The following RGS6 variants were observed in gnomAD, a reference collection of about 807,000 sequenced individuals.
RGS6 encodes regulator of G protein signaling 6, also known as regulator of G-protein signaling 6.
A neutral mutation model predicts 78.5 loss-of-function variants in RGS6; 30 were observed. That is an observed-to-expected ratio of 0.38 (90% confidence interval 0.29 to 0.52). The LOEUF (loss-of-function observed/expected upper bound fraction) is 0.52, where lower values mean the gene tolerates loss of function less well. Ranked by LOEUF, RGS6 falls within the 20% of genes least tolerant of loss-of-function variation. The probability of loss-of-function intolerance (pLI) is 0.85; values close to 1 mark genes in which losing one functional copy is unlikely to be tolerated. For synonymous variants in RGS6, 206 were observed against 206.0 expected (o/e 1.00, Z 0.00); for missense variants, 495 against 609.7 (o/e 0.81, Z 1.98).
At chr14:72,340,697 C>T (rs2681768) in intron 2 of RGS6, among the ~76,000 whole-genome samples, 70,749 of 152,084 alleles carry the variant, frequency 0.47, 16,793 homozygotes, top group South Asian at 0.6. Flanking sequence ...TTCATTCTCA[C>T]CCTTCTTGTT....
chr14:72,539,717 C>G (rs1414411699), intron 16 of RGS6, among the ~76,000 whole-genome samples: 1 of 152,170 alleles, frequency 6.6e-6, no homozygotes, highest in Non-Finnish European at 1.5e-5. Context: ...TGCTCAAACC[C>G]ACCGACTGTG....
At chr14:72,143,405 C>A (rs2096567154) in intron 2 of RGS6, among the ~76,000 whole-genome samples, 2 of 151,890 alleles carry the variant, frequency 1.3e-5, no homozygotes, top group Admixed American at 1.3e-4. Context: ...CTTTTTCTAG[C>A]CCTATTTATT....
intron 1 of RGS6, among the ~76,000 whole-genome samples, chr14:71,955,629 C>T (rs144348497): frequency 8.5e-5 from 13 of 152,144 alleles, no homozygotes; most frequent in African/African-American, 2.7e-4. Flanking sequence ...ACTGTCATGG[C>T]GCTGGTGGGA....
intron 13 of RGS6, among the ~76,000 whole-genome samples, chr14:72,498,330 G>A (rs2096672023): frequency 6.6e-6 from 1 of 151,962 alleles, no homozygotes. Context: ...CATCATTTCT[G>A]CTCATTGTTT....
chr14:72,398,793 C>T (rs1054908622), intron 3 of RGS6, among the ~76,000 whole-genome samples: 3 of 152,062 alleles, frequency 2.0e-5, no homozygotes, highest in Non-Finnish European at 4.4e-5. Context: ...TTATTTCTCC[C>T]TTCATTTCGT....
intron 14 of RGS6, among the ~76,000 whole-genome samples, chr14:72,512,080 TG>T (rs775109179): frequency 2.4e-4 from 36 of 152,156 alleles, no homozygotes; most frequent in Admixed American, 6.5e-4. Context: ...ATGGTCCCTA[TG>T]AGCCACCCCT....
the RGS6 span, among the ~76,000 whole-genome samples, chr14:71,916,488 C>A: frequency 1.3e-5 from 2 of 151,860 alleles, no homozygotes; most frequent in African/African-American, 4.8e-5. Context: ...TTTTTTTGAC[C>A]AAGAAAGGGA....
At chr14:72,078,061 C>T (rs1044142340) in intron 2 of RGS6, among the ~76,000 whole-genome samples, 26 of 152,150 alleles carry the variant, frequency 1.7e-4, no homozygotes, top group Non-Finnish European at 3.2e-4. Flanking sequence ...CATGTCCGAT[C>T]GTGGTCCCCA....
chr14:72,337,536 C>T (rs1477645929), intron 2 of RGS6, among the ~76,000 whole-genome samples: 2 of 152,106 alleles, frequency 1.3e-5, no homozygotes, highest in Admixed American at 6.5e-5. Flanking sequence ...ACAGCAACAT[C>T]CCCATCCAAA....
chr14:72,595,654 T>A, the RGS6 span, among the ~76,000 whole-genome samples: 1 of 152,188 alleles, frequency 6.6e-6, no homozygotes, highest in African/African-American at 2.4e-5. Context: ...CATCAGTAAA[T>A]CATGAGATGG....
chr14:72,193,581 C>T (rs534100255), intron 2 of RGS6, among the ~76,000 whole-genome samples: 15 of 152,232 alleles, frequency 9.9e-5, no homozygotes, highest in African/African-American at 2.9e-4. Context: ...ATGAGAGAAA[C>T]GGTCAATGAA....
At chr14:72,589,962 C>T in the RGS6 span, among the ~76,000 whole-genome samples, 1 of 151,932 alleles carries the variant, frequency 6.6e-6, no homozygotes, top group Non-Finnish European at 1.5e-5. Context: ...AGAGGATAAC[C>T]TAATTAAAAA....
intron 2 of RGS6, among the ~76,000 whole-genome samples, chr14:72,216,460 G>A (rs925054392): frequency 1.3e-5 from 2 of 152,178 alleles, no homozygotes; most frequent in Admixed American, 6.5e-5. Flanking sequence ...GGAATTATCA[G>A]TCTTGTTACT....
At chr14:72,305,375 G>C (rs1364695476) in intron 2 of RGS6, among the ~76,000 whole-genome samples, 1 of 152,144 alleles carries the variant, frequency 6.6e-6, no homozygotes, top group East Asian at 1.9e-4. Context: ...TCTTTGTTGT[G>C]ATTCACAGAT....
At chr14:72,259,478 G>T (rs568409098) in intron 2 of RGS6, among the ~76,000 whole-genome samples, 39 of 152,234 alleles carry the variant, frequency 2.6e-4, no homozygotes, top group South Asian at 4.2e-4. Flanking sequence ...GCTTCATAAG[G>T]CTGAGAATCC....
chr14:72,566,670 CACACACACACA>C, downstream of RGS6: 1 of 142,210 alleles, frequency 7.0e-6, no homozygotes, highest in African/African-American at 2.7e-5. Context: ...CACACACACA[CACACACACACA>C]CCTGTTTCCT....
Position 72,323,796 on chromosome 14 carries a change from A to C in RGS6, c.85-28299A>C, listed in dbSNP as rs188303394. Among the ~76,000 whole-genome samples, 352 of 112,750 alleles carry C rather than the reference A, an allele frequency of 3.1e-3. 2 individuals are homozygous for C. The highest frequency in any genetic ancestry group is 0.012 in the African/African-American group (331 of 27,098). The allele number at this position is 112,750 out of a possible 152,430, so 74.0% of individuals were successfully genotyped here. On this transcript the variant is annotated intron_variant, in intron 2 of 17. Coordinates refer to ENST00000553525, the MANE Select transcript of RGS6 (RefSeq NM_001204424.2). ...AGCCTGGGTGACAGAGTGAGACTCC[A>C]TCTCAAAAAAAAAAAAAAAAAAAAA...
chr14:72,374,755 A>G (rs1361955046), intron 3 of RGS6, among the ~76,000 whole-genome samples: 1 of 152,260 alleles, frequency 6.6e-6, no homozygotes, highest in Non-Finnish European at 1.5e-5. Context: ...TTCAGATTAT[A>G]GAATAATTAT....
At chr14:72,097,209 C>T (rs946558682) in intron 2 of RGS6, among the ~76,000 whole-genome samples, 3 of 152,174 alleles carry the variant, frequency 2.0e-5, no homozygotes, top group Non-Finnish European at 4.4e-5. Flanking sequence ...AAACATGCAA[C>T]AATTCCAAGC....
Sources: allele counts gnomAD v4.1 joint callset (sites outside exome capture counted in the v4.1 genomes callset), GRCh38; gene constraint gnomAD v4.1.1; transcripts MANE v1.5; gene names NCBI Gene and HGNC (gene_info 2026-07-23, HGNC 2026-07-21).